FGF13: variants seen among roughly 807,000 people sequenced by gnomAD.
The protein encoded by FGF13 is fibroblast growth factor homologous factor 2.
FGF13 carries 2 observed loss-of-function variants against 19.5 expected under a neutral mutation model. The ratio of observed to expected loss-of-function variants is 0.10; its 90% CI spans 0.04 to 0.32. The LOEUF (loss-of-function observed/expected upper bound fraction) is 0.32, where lower values mean the gene tolerates loss of function less well. FGF13 is among the 10% of genes least tolerant of loss of function. The pLI is 1.00. For synonymous variants in FGF13, 72 were observed against 76.9 expected (o/e 0.94, Z 0.33); for missense variants, 113 against 192.7 (o/e 0.59, Z 2.45).
intron 1 of FGF13, among the ~76,000 whole-genome samples, chrX:139,181,453 T>C (rs1300233787): frequency 8.9e-6 from 1 of 112,986 alleles, no homozygotes; most frequent in Non-Finnish European, 1.9e-5. Context: ...GACTACTTCA[T>C]TCAGATGTTT....
intron 1 of FGF13, among the ~76,000 whole-genome samples, chrX:138,902,534 T>C (rs2091536449): frequency 8.9e-6 from 1 of 111,802 alleles, no homozygotes; most frequent in South Asian, 3.8e-4. Context: ...ATTCTCTCCA[T>C]CAACTTTTTA....
chrX:138,898,893 T>C (rs1015626695), intron 1 of FGF13, among the ~76,000 whole-genome samples: 1 of 111,570 alleles, frequency 9.0e-6, no homozygotes, highest in Admixed American at 9.6e-5. Flanking sequence ...TCTTATTCTC[T>C]CTTCTATGCC....
chrX:138,884,183 C>T (rs1452132538), intron 1 of FGF13, among the ~76,000 whole-genome samples: 1 of 112,080 alleles, frequency 8.9e-6, no homozygotes. Context: ...GAGAGCCAGA[C>T]AAAAGGAGTA....
intron 3 of FGF13, among the ~76,000 whole-genome samples, chrX:138,838,278 A>G (rs189984359): frequency 3.7e-4 from 41 of 111,714 alleles, no homozygotes; most frequent in Middle Eastern, 4.6e-3. Context: ...ACAGGTGTCC[A>G]ACCTCCCACT....
intron 1 of FGF13, among the ~76,000 whole-genome samples, chrX:139,130,643 T>C (rs914720634): frequency 2.7e-5 from 3 of 111,986 alleles, no homozygotes; most frequent in African/African-American, 9.7e-5. Context: ...TACTTTTTCC[T>C]TATTAATGCC....
At chrX:139,045,474 CT>C (rs1043937427) in intron 1 of FGF13, among the ~76,000 whole-genome samples, 1 of 112,618 alleles carries the variant, frequency 8.9e-6, no homozygotes, top group African/African-American at 3.2e-5. Context: ...CCCTAAAGAG[CT>C]TTTTCTTTCT....
intron 1 of FGF13, among the ~76,000 whole-genome samples, chrX:138,916,584 T>C (rs1034863824): frequency 1.8e-5 from 2 of 112,199 alleles, no homozygotes; most frequent in African/African-American, 6.5e-5. Context: ...GAAATATTAA[T>C]ATGAAACTGG....
intron 3 of FGF13, among the ~76,000 whole-genome samples, chrX:138,817,745 C>T (rs934826012): frequency 1.8e-5 from 2 of 111,927 alleles, no homozygotes; most frequent in African/African-American, 6.5e-5. Context: ...TTTATGTTTT[C>T]TCCAGTTTCC....
At chrX:139,013,640 C>T (rs1406724133) in intron 1 of FGF13, among the ~76,000 whole-genome samples, 2 of 106,138 alleles carry the variant, frequency 1.9e-5, no homozygotes, top group South Asian at 4.3e-4. Flanking sequence ...AAATGGAAAA[C>T]CAAACACTGT....
chrX:138,757,967 G>T (rs1483498070), intron 3 of FGF13, among the ~76,000 whole-genome samples: 1 of 111,982 alleles, frequency 8.9e-6, no homozygotes, highest in African/African-American at 3.3e-5. Context: ...TTGAACTCAG[G>T]TCAATTGTAC....
In FGF13 at chrX:139,183,077, G is replaced by A. The variant is rs750138157; in HGVS notation, c.-113+20339C>T. Among the ~76,000 whole-genome samples the A allele has an allele frequency of 3.6e-5, 4 of 111,549 alleles. No homozygotes were observed. In the East Asian group the frequency reaches 1.1e-3, roughly 32 times the overall value. ...ATGGGCACTTCACTGAAGACAAAGG[G>A]GAAGGGCAAATCTGCAGCCCCTTAC... On this transcript the variant is annotated intron_variant, in intron 1 of 2. Transcript: ENST00000421460.
At chrX:139,002,967 G>A (rs1416001120) in intron 1 of FGF13, among the ~76,000 whole-genome samples, 1 of 112,167 alleles carries the variant, frequency 8.9e-6, no homozygotes, top group African/African-American at 3.2e-5. Context: ...TGCTGGCTAT[G>A]AGAAGAGACT....
chrX:138,659,247 A>G (rs2089466152), intron 3 of FGF13, among the ~76,000 whole-genome samples: 1 of 112,303 alleles, frequency 8.9e-6, no homozygotes, highest in Non-Finnish European at 1.9e-5. Flanking sequence ...AAGCAGGGCG[A>G]TCAGTTGAGC....
chrX:138,863,973 A>G (rs2091303116), intron 2 of FGF13, among the ~76,000 whole-genome samples: 1 of 112,067 alleles, frequency 8.9e-6, no homozygotes, highest in African/African-American at 3.2e-5. Flanking sequence ...TTTGTTGTGA[A>G]GGGCTGTTTT....
chrX:138,991,994 T>C lies in FGF13; in HGVS notation c.-112-127344A>G, dbSNP rs771331424. 9.6e-4 allele frequency among the ~76,000 whole-genome samples: 107 copies of C among 112,020 alleles called. 1 individual carries two copies. Among genetic ancestry groups the C allele is most frequent in the Middle Eastern group, 9.1e-3 (2 of 219 alleles). ...TATTTTTAAATTTTCACCAGTTTCA[T>C]AGGAAGAAAACAGCATCTTGCTATT... On this transcript the variant is annotated intron_variant, in intron 1 of 2. Coordinates refer to the FGF13 transcript ENST00000421460.
At position 139,164,028 on chromosome X, in the gene FGF13, G is replaced by A. The variant is rs1156452834; in HGVS notation, c.-113+39388C>T. On this transcript the variant is annotated intron_variant, in intron 1 of 2. Transcript: ENST00000421460. ...CCGAAGTATTTATGACAACGTTAAG[G>A]TGGGGGCTGACAGCTCTGAAATTTG... Among the ~76,000 whole-genome samples, 7 of 110,684 alleles carry A rather than the reference G, an allele frequency of 6.3e-5. No homozygotes were observed. The East Asian group carries it at 1.1e-3, about 18-fold the overall frequency.
Position 138,870,516 on chromosome X carries a change from A to G in FGF13, c.-112-5866T>C, listed in dbSNP as rs928099716. ...CTGCGTATCTCTGAAAGGCTGAATA[A>G]TGGTCCTCAAAAATGCCCATGTCCT... On this transcript the variant is annotated intron_variant, in intron 1 of 2. Coordinates refer to the FGF13 transcript ENST00000421460. 6.2e-5 allele frequency among the ~76,000 whole-genome samples: 7 copies of G among 112,167 alleles called. 1 individual carries two copies. The highest frequency in any genetic ancestry group is 1.9e-4 in the African/African-American group (6 of 30,865).
chrX:138,874,550 AT>A (rs2091377706), intron 1 of FGF13, among the ~76,000 whole-genome samples: 1 of 111,845 alleles, frequency 8.9e-6, no homozygotes, highest in Non-Finnish European at 1.9e-5. Context: ...GCAAGTCTCT[AT>A]CTGGCAAAGC....
chrX:139,162,813 G>A (rs7065416), intron 1 of FGF13, among the ~76,000 whole-genome samples: 12,839 of 111,898 alleles, frequency 0.11, 1,181 homozygotes, highest in African/African-American at 0.32. Flanking sequence ...ACTGGTCATT[G>A]GAGAAATGCA....
Sources: gnomAD v4.1 joint callset for allele counts (sites outside exome capture counted in the v4.1 genomes callset) on GRCh38, gnomAD v4.1.1 for gene constraint, MANE v1.5 for transcripts, NCBI Gene and HGNC (gene_info 2026-07-23, HGNC 2026-07-21) for gene names.